The following RFPL1 variants were observed in gnomAD, a reference collection of about 807,000 sequenced individuals.
RFPL1 encodes the protein ret finger protein like 1, also known as ret finger protein-like 1.
Under a neutral mutation model 9.6 loss-of-function variants are expected in RFPL1, and 6 were observed. The observed-to-expected ratio is 0.62, with a 90% CI of 0.34 to 1.23. The LOEUF (loss-of-function observed/expected upper bound fraction) is 1.23, where lower values mean the gene tolerates loss of function less well. Ranked by LOEUF, RFPL1 falls within the 50% of genes most tolerant of loss-of-function variation. The pLI is 0.03. For synonymous variants in RFPL1, 145 were observed against 149.4 expected, an observed-to-expected ratio of 0.97 and a Z score of 0.22; for missense variants, 352 against 398.4, an observed-to-expected ratio of 0.88 and a Z score of 0.99.
chr22:29,408,989 T>C, the RFPL1 span, among the ~76,000 whole-genome samples: 1 of 152,126 alleles, frequency 6.6e-6, no homozygotes, highest in South Asian at 2.1e-4. Context: ...GAACCCAGCA[T>C]GATCTGATCC....
chr22:29,423,182 C>T, the RFPL1 span: 1 of 1,348,730 alleles, frequency 7.4e-7, no homozygotes, highest in East Asian at 2.3e-5. Flanking sequence ...TATCTGTAGC[C>T]AGGCTTCTGC....
the RFPL1 span, among the ~76,000 whole-genome samples, chr22:29,394,213 A>G: frequency 2.6e-5 from 4 of 152,022 alleles, no homozygotes; most frequent in Non-Finnish European, 5.9e-5. Flanking sequence ...TTTGAGACAG[A>G]GTTTCGCTTT....
chr22:29,419,339 A>G, the RFPL1 span: 2 of 755,704 alleles, frequency 2.6e-6, no homozygotes, highest in Admixed American at 3.7e-5. Flanking sequence ...TTCCAAAAGA[A>G]CCGGAGGGAG....
At chr22:29,421,360 C>T in the RFPL1 span, among the ~76,000 whole-genome samples, 7 of 151,960 alleles carry the variant, frequency 4.6e-5, no homozygotes, top group Non-Finnish European at 1.0e-4. Flanking sequence ...TTGCTTGAAC[C>T]CAGGAGGCTG....
At chr22:29,401,116 G>A in the RFPL1 span, among the ~76,000 whole-genome samples, 2 of 152,136 alleles carry the variant, frequency 1.3e-5, no homozygotes, top group Non-Finnish European at 2.9e-5. Context: ...AAGCAGTCAC[G>A]GTCATACCCA....
chr22:29,431,814 C>G, the RFPL1 span, among the ~76,000 whole-genome samples: 1 of 151,954 alleles, frequency 6.6e-6, no homozygotes, highest in East Asian at 1.9e-4. Flanking sequence ...CCTCAGCCTC[C>G]TGAGTAGCTG....
exon 2 of RFPL1, chr22:29,441,689 G>C (rs371079248): frequency 8.1e-6 from 13 of 1,613,852 alleles, no homozygotes; most frequent in Non-Finnish European, 1.1e-5. Flanking sequence ...GGCTCCCCTC[G>C]CTTTACCTGT....
the RFPL1 span, among the ~76,000 whole-genome samples, chr22:29,412,533 A>G: frequency 6.6e-6 from 1 of 152,084 alleles, no homozygotes; most frequent in South Asian, 2.1e-4. Context: ...AGATGGTTTA[A>G]CATCTTCAGT....
the RFPL1 span, among the ~76,000 whole-genome samples, chr22:29,429,688 A>C: frequency 3.2e-4 from 49 of 152,360 alleles, no homozygotes; most frequent in South Asian, 3.1e-3. Flanking sequence ...AAGAAGTCTT[A>C]CTGGCCTTAC....
the RFPL1 span, among the ~76,000 whole-genome samples, chr22:29,392,407 T>TTTTTTTTTG: frequency 9.9e-6 from 1 of 101,064 alleles, no homozygotes. Context: ...TTTTTTTTTT[T>TTTTTTTTTG]TTTTAAGACA....
chr22:29,406,025 C>T, the RFPL1 span, among the ~76,000 whole-genome samples: 4 of 136,600 alleles, frequency 2.9e-5, no homozygotes, highest in African/African-American at 8.0e-5. Flanking sequence ...AGGAGAATGG[C>T]GTGAACCCGG....
upstream of RFPL1, chr22:29,437,745 G>A (rs1306010285): frequency 4.5e-6 from 7 of 1,568,184 alleles, no homozygotes; most frequent in Non-Finnish European, 6.0e-6. Context: ...GCCCATGCCT[G>A]TGTGTGTGTT....
At chr22:29,433,606 C>T (rs2285326), upstream of RFPL1, 20,898 of 154,356 alleles carry the variant, frequency 0.14, 3,167 homozygotes, top group East Asian at 0.37. Context: ...TTGGAAAAAG[C>T]AACTGTTCAA....
At chr22:29,432,363 G>T in the RFPL1 span, among the ~76,000 whole-genome samples, 2 of 152,084 alleles carry the variant, frequency 1.3e-5, no homozygotes, top group Non-Finnish European at 1.5e-5. Context: ...TGAATTTAAA[G>T]CCCCTGCACC....
chr22:29,396,865 A>T, the RFPL1 span, among the ~76,000 whole-genome samples: 415 of 149,150 alleles, frequency 2.8e-3, 3 homozygotes, highest in Non-Finnish European at 5.1e-3. Context: ...CTGGGATTAC[A>T]GGTGTGAGCC....
the RFPL1 span, among the ~76,000 whole-genome samples, chr22:29,418,930 C>G: frequency 6.6e-6 from 1 of 152,206 alleles, no homozygotes; most frequent in African/African-American, 2.4e-5. Context: ...CCTTTCCCAC[C>G]TACTCCAGTT....
upstream of RFPL1, chr22:29,436,435 A>AT (rs1266856295): frequency 1.3e-5 from 2 of 150,828 alleles, no homozygotes; most frequent in Non-Finnish European, 2.9e-5. Flanking sequence ...TACTAAAAAT[A>AT]CAAAAAAAAA....
At chr22:29,407,800 G>A in the RFPL1 span, among the ~76,000 whole-genome samples, 2 of 152,176 alleles carry the variant, frequency 1.3e-5, no homozygotes, top group Non-Finnish European at 2.9e-5. Flanking sequence ...GGTAGCCAAG[G>A]TAGAGGTTTA....
chr22:29,390,665 G>C, the RFPL1 span, among the ~76,000 whole-genome samples: 1 of 151,296 alleles, frequency 6.6e-6, no homozygotes, highest in African/African-American at 2.4e-5. Context: ...GCTCGATCTC[G>C]GCTCACTGCA....
Sources: gnomAD v4.1 joint callset for allele counts (sites outside exome capture counted in the v4.1 genomes callset) on GRCh38, gnomAD v4.1.1 for gene constraint, MANE v1.5 for transcripts, NCBI Gene and HGNC (gene_info 2026-07-23, HGNC 2026-07-21) for gene names.